Variants in RNGTT observed in about 807,000 individuals in gnomAD.
The protein encoded by RNGTT is mRNA-capping enzyme.
In RNGTT, 33 loss-of-function variants were observed where a neutral mutation model predicts 79.3. The ratio of observed to expected loss-of-function variants is 0.42; its 90% CI spans 0.32 to 0.56. The LOEUF is 0.56. RNGTT is among the 20% of genes least tolerant of loss of function. The pLI is 0.17. For synonymous variants in RNGTT, 222 were observed against 235.9 expected, an observed-to-expected ratio of 0.94 and a Z score of 0.54; for missense variants, 497 against 739.1, an observed-to-expected ratio of 0.67 and a Z score of 3.80.
At chr6:88,902,788 G>A (rs1398543481) in intron 6 of RNGTT, among the ~76,000 whole-genome samples, 1 of 142,428 alleles carries the variant, frequency 7.0e-6, no homozygotes, top group Non-Finnish European at 1.5e-5. Flanking sequence ...CTCTGCCTCT[G>A]GGGTTCAAGC....
chr6:88,647,215 T>C (rs960659537), intron 14 of RNGTT, among the ~76,000 whole-genome samples: 73 of 152,274 alleles, frequency 4.8e-4, no homozygotes, highest in African/African-American at 1.6e-3. Flanking sequence ...AAGTGTTTAA[T>C]GGTAATAGTA....
intron 14 of RNGTT, 23 bp downstream of exon 14, chr6:88,678,330 A>T (rs1774959599): frequency 6.3e-7 from 1 of 1,589,460 alleles, no homozygotes; most frequent in Non-Finnish European, 8.6e-7. Context: ...CAGGAAAAGT[A>T]CACTGAAAAT....
chr6:88,736,151 AG>A (rs1386947966), intron 13 of RNGTT, among the ~76,000 whole-genome samples: 1 of 152,070 alleles, frequency 6.6e-6, no homozygotes, highest in African/African-American at 2.4e-5. Context: ...TAATCTAACA[AG>A]GCCAATATTT....
chr6:88,665,379 A>G (rs1245172919), intron 14 of RNGTT, among the ~76,000 whole-genome samples: 1 of 152,146 alleles, frequency 6.6e-6, no homozygotes, highest in Middle Eastern at 3.2e-3. Flanking sequence ...TAAGCACCTG[A>G]GGACTTTTGG....
chr6:88,698,370 TGCTA>T (rs1444420277), intron 13 of RNGTT, among the ~76,000 whole-genome samples: 5 of 147,186 alleles, frequency 3.4e-5, no homozygotes, highest in Non-Finnish European at 7.5e-5. Context: ...AATGAAAAAT[TGCTA>T]GCTATCTTGA....
intron 14 of RNGTT, among the ~76,000 whole-genome samples, chr6:88,664,237 C>A (rs938673228): frequency 6.6e-6 from 1 of 152,092 alleles, no homozygotes; most frequent in Admixed American, 6.6e-5. Flanking sequence ...ACAAGGTCTC[C>A]GAGGTTATCC....
intron 6 of RNGTT, among the ~76,000 whole-genome samples, chr6:88,901,495 CTTTTTTTTTTTTT>C (rs71024314): frequency 7.6e-5 from 5 of 65,776 alleles, no homozygotes; most frequent in Non-Finnish European, 8.2e-5. Context: ...GCACCCTGAT[CTTTTTTTTTTTTT>C]TTTTTTTTTT....
At chr6:88,871,922 T>C (rs979779383) in intron 8 of RNGTT, among the ~76,000 whole-genome samples, 2 of 152,108 alleles carry the variant, frequency 1.3e-5, no homozygotes, top group Non-Finnish European at 2.9e-5. Context: ...AAAACAAACA[T>C]TTCTTACCTC....
chr6:88,905,689 A>G (rs907536573), intron 5 of RNGTT, among the ~76,000 whole-genome samples: 2 of 152,186 alleles, frequency 1.3e-5, no homozygotes, highest in African/African-American at 4.8e-5. Flanking sequence ...CAATAAAGAC[A>G]TGTTGATTGG....
intron 13 of RNGTT, among the ~76,000 whole-genome samples, chr6:88,679,219 G>A (rs1774996324): frequency 6.6e-6 from 1 of 152,164 alleles, no homozygotes; most frequent in Non-Finnish European, 1.5e-5. Flanking sequence ...CCAATAAGGG[G>A]TATAACAGAG....
chr6:88,691,919 A>C (rs1775496858), intron 13 of RNGTT, among the ~76,000 whole-genome samples: 1 of 152,178 alleles, frequency 6.6e-6, no homozygotes, highest in South Asian at 2.1e-4. Context: ...CTTCCAGGAA[A>C]CCCTGAAGTC....
chr6:88,858,148 G>T (rs1164131599), intron 8 of RNGTT, among the ~76,000 whole-genome samples: 3 of 152,036 alleles, frequency 2.0e-5, no homozygotes, highest in Non-Finnish European at 4.4e-5. Context: ...CATTTACATT[G>T]ATTTATTTCA....
At chr6:88,874,043 T>C (rs1199514060) in intron 8 of RNGTT, among the ~76,000 whole-genome samples, 1 of 152,122 alleles carries the variant, frequency 6.6e-6, no homozygotes, top group Middle Eastern at 3.2e-3. Flanking sequence ...AAGCCTCTCT[T>C]GGTTATTTTA....
At chr6:88,808,714 A>G (rs772586097) in intron 11 of RNGTT, among the ~76,000 whole-genome samples, 3 of 152,184 alleles carry the variant, frequency 2.0e-5, no homozygotes, top group Non-Finnish European at 4.4e-5. Flanking sequence ...GTTCAAGACC[A>G]GCCTGGGCAA....
chr6:88,727,330 A>T (rs571916053), intron 13 of RNGTT, among the ~76,000 whole-genome samples: 4 of 152,202 alleles, frequency 2.6e-5, no homozygotes, highest in Non-Finnish European at 2.9e-5. Context: ...AGGTTAAAAA[A>T]TTTTTTCTTT....
chr6:88,900,060 A>T (rs925607812), intron 6 of RNGTT, among the ~76,000 whole-genome samples: 2 of 152,042 alleles, frequency 1.3e-5, no homozygotes, highest in African/African-American at 4.8e-5. Context: ...AGATAACATG[A>T]CCAGAGCCTC....
chr6:88,746,380 C>T (rs1189086192), intron 13 of RNGTT, among the ~76,000 whole-genome samples: 2 of 152,122 alleles, frequency 1.3e-5, no homozygotes, highest in African/African-American at 4.8e-5. Flanking sequence ...GTAGTTTTGC[C>T]ACAAGTATAT....
chr6:88,912,688 T>A (rs1366490185), intron 4 of RNGTT, among the ~76,000 whole-genome samples: 3 of 151,896 alleles, frequency 2.0e-5, no homozygotes, highest in African/African-American at 7.3e-5. Flanking sequence ...ATAAGCACAA[T>A]CTGAAATGAC....
At chr6:88,617,590 C>T (rs1055742964) in intron 14 of RNGTT, among the ~76,000 whole-genome samples, 1 of 152,160 alleles carries the variant, frequency 6.6e-6, no homozygotes, top group Non-Finnish European at 1.5e-5. Context: ...AAATTAGATG[C>T]TTTGAAGTAT....
Sources: gnomAD v4.1 joint callset for allele counts (sites outside exome capture counted in the v4.1 genomes callset) on GRCh38, gnomAD v4.1.1 for gene constraint, MANE v1.5 for transcripts, NCBI Gene and HGNC (gene_info 2026-07-23, HGNC 2026-07-21) for gene names.